CYRIB: variants seen among roughly 807,000 people sequenced by gnomAD.
CYRIB encodes CYFIP related Rac1 interactor B.
Under a neutral mutation model 44.2 loss-of-function variants are expected in CYRIB, and 8 were observed. The ratio of observed to expected loss-of-function variants is 0.18; its 90% confidence interval spans 0.11 to 0.33. The LOEUF is 0.33. Ranked by LOEUF, CYRIB falls within the 10% of genes least tolerant of loss-of-function variation. The probability of loss-of-function intolerance (pLI) is 1.00; values close to 1 mark genes in which losing one functional copy is unlikely to be tolerated. For missense variants in CYRIB, 185 were observed against 382.8 expected, an observed-to-expected ratio of 0.48 and a Z score of 4.31; for synonymous variants, 131 against 127.2, an observed-to-expected ratio of 1.03 and a Z score of -0.20.
intron 1 of CYRIB, among the ~76,000 whole-genome samples, chr8:129,929,357 C>G (rs1160502316): frequency 1.3e-5 from 2 of 151,852 alleles, no homozygotes; most frequent in Non-Finnish European, 2.9e-5. Flanking sequence ...AAGTGGATGC[C>G]TGGGGCAGGG....
intron 2 of CYRIB, among the ~76,000 whole-genome samples, chr8:129,967,412 C>T (rs1438984222): frequency 3.3e-5 from 5 of 150,180 alleles, no homozygotes; most frequent in African/African-American, 1.2e-4. Flanking sequence ...TGGAGTCTTG[C>T]TCTGTCGCCC....
At chr8:130,014,274 T>G (rs1321555402) in intron 1 of CYRIB, among the ~76,000 whole-genome samples, 1 of 151,848 alleles carries the variant, frequency 6.6e-6, no homozygotes, top group Non-Finnish European at 1.5e-5. Context: ...TACAAAACAT[T>G]AAAAAATTAG....
At chr8:130,002,088 T>C (rs565141852) in intron 1 of CYRIB, among the ~76,000 whole-genome samples, 2 of 152,348 alleles carry the variant, frequency 1.3e-5, no homozygotes, top group Non-Finnish European at 2.9e-5. Flanking sequence ...GTTTTTGTTG[T>C]ATATCTTTTA....
At chr8:129,955,948 A>C (rs1394189297) in intron 2 of CYRIB, among the ~76,000 whole-genome samples, 1 of 152,224 alleles carries the variant, frequency 6.6e-6, no homozygotes, top group African/African-American at 2.4e-5. Flanking sequence ...ATGCTGTGGT[A>C]ACAAAGAACA....
chr8:130,011,858 A>AT (rs1235169098), intron 1 of CYRIB, among the ~76,000 whole-genome samples: 8 of 150,832 alleles, frequency 5.3e-5, no homozygotes, highest in South Asian at 2.1e-4. Flanking sequence ...AATAAAAATA[A>AT]TTAAAAAAAA....
At chr8:129,903,344 C>T (rs1427755035) in exon 2 of CYRIB, 2 of 152,534 alleles carry the variant, frequency 1.3e-5, no homozygotes, top group African/African-American at 4.8e-5. Flanking sequence ...TGTCCTTGTC[C>T]TTCTATCTGT....
intron 1 of CYRIB, among the ~76,000 whole-genome samples, chr8:129,994,507 G>T (rs1021704660): frequency 2.0e-5 from 3 of 152,112 alleles, no homozygotes; most frequent in Admixed American, 1.3e-4. Context: ...CACCTCTATG[G>T]AACTGAACCG....
chr8:129,917,239 A>C (rs910620078), intron 1 of CYRIB, among the ~76,000 whole-genome samples: 9 of 152,162 alleles, frequency 5.9e-5, no homozygotes, highest in Non-Finnish European at 1.3e-4. Flanking sequence ...TCCAAGTTAG[A>C]AAACACCAGT....
intron 4 of CYRIB, among the ~76,000 whole-genome samples, chr8:129,867,928 T>C (rs2054705772): frequency 6.6e-6 from 1 of 152,228 alleles, no homozygotes; most frequent in African/African-American, 2.4e-5. Context: ...ACTACCCATT[T>C]TACAATACTT....
intron 2 of CYRIB, among the ~76,000 whole-genome samples, chr8:129,968,909 G>A (rs892666853): frequency 2.6e-5 from 4 of 150,996 alleles, no homozygotes; most frequent in African/African-American, 7.3e-5. Flanking sequence ...TAGAGCCACC[G>A]TGCCATTAAA....
intron 2 of CYRIB, among the ~76,000 whole-genome samples, chr8:129,967,571 G>C (rs1210587113): frequency 6.6e-6 from 1 of 151,780 alleles, no homozygotes; most frequent in Non-Finnish European, 1.5e-5. Flanking sequence ...AGTAGAGACG[G>C]GGTTTCACCC....
chr8:129,980,105 C>G (rs1449857186), intron 1 of CYRIB, among the ~76,000 whole-genome samples: 2 of 151,748 alleles, frequency 1.3e-5, no homozygotes, highest in African/African-American at 4.8e-5. Flanking sequence ...CATTTTTCCA[C>G]AGTATCATGA....
chr8:130,006,781 G>C (rs902071513), intron 1 of CYRIB, among the ~76,000 whole-genome samples: 19 of 149,176 alleles, frequency 1.3e-4, no homozygotes, highest in Non-Finnish European at 2.2e-4. Flanking sequence ...CACATGCATA[G>C]AGTATGCTGG....
At chr8:130,014,747 A>C (rs2097303680) in intron 1 of CYRIB, among the ~76,000 whole-genome samples, 1 of 152,014 alleles carries the variant, frequency 6.6e-6, no homozygotes, top group South Asian at 2.1e-4. Flanking sequence ...TGCATCACAC[A>C]CTCTGCCCTT....
intron 5 of CYRIB, among the ~76,000 whole-genome samples, chr8:129,856,553 C>T (rs2046307262): frequency 1.3e-5 from 2 of 152,018 alleles, no homozygotes; most frequent in Admixed American, 6.5e-5. Context: ...AAAATAAGAG[C>T]TTACAGAGTT....
chr8:129,926,392 C>A (rs1465806846), intron 1 of CYRIB, among the ~76,000 whole-genome samples: 1 of 152,150 alleles, frequency 6.6e-6, no homozygotes, highest in African/African-American at 2.4e-5. Context: ...TAGTGTGCTG[C>A]TCTTTCTAAA....
intron 1 of CYRIB, among the ~76,000 whole-genome samples, chr8:130,014,089 C>T (rs941319141): frequency 2.0e-5 from 3 of 152,158 alleles, no homozygotes; most frequent in African/African-American, 4.8e-5. Context: ...CTCAGGAAAA[C>T]GAGAACCCTA....
intron 2 of CYRIB, among the ~76,000 whole-genome samples, chr8:129,881,019 TA>T (rs1198684947): frequency 5.3e-5 from 8 of 152,230 alleles, no homozygotes; most frequent in Admixed American, 1.3e-4. Context: ...TCAAACTTAT[TA>T]TTTAACTCTT....
chr8:129,965,925 C>T (rs188223547), intron 2 of CYRIB, among the ~76,000 whole-genome samples: 24 of 152,166 alleles, frequency 1.6e-4, no homozygotes, highest in Admixed American at 6.5e-4. Flanking sequence ...AGTCTCGGCT[C>T]ACTGCAGCCT....
Sources: allele counts gnomAD v4.1 joint callset (sites outside exome capture counted in the v4.1 genomes callset), GRCh38; gene constraint gnomAD v4.1.1; transcripts MANE v1.5; gene names NCBI Gene and HGNC (gene_info 2026-07-23, HGNC 2026-07-21).